Variants in CSMD1 observed in about 807,000 individuals in gnomAD.
CSMD1 encodes the protein CUB and Sushi multiple domains 1, also known as CUB and sushi domain-containing protein 1.
In CSMD1, 213 loss-of-function variants were observed where a neutral mutation model predicts 417.5. The ratio of observed to expected loss-of-function variants is 0.51; its 90% CI spans 0.46 to 0.57. CSMD1 has a LOEUF of 0.57. Among genes scored for constraint, CSMD1 ranks in the 20% least tolerant of loss-of-function variants. CSMD1 has a pLI of 0.00. For missense variants in CSMD1, 6,923 were observed against 4,529.7 expected (o/e 1.53, Z -15.17); for synonymous variants, 2,862 against 1,736.8 (o/e 1.65, Z -16.11).
chr8:4,517,375 C>T (rs955140413), intron 2 of CSMD1, among the ~76,000 whole-genome samples: 3 of 152,178 alleles, frequency 2.0e-5, no homozygotes, highest in African/African-American at 4.8e-5. Context: ...ATAGGTTAAA[C>T]AGCTAATCTC....
At chr8:3,659,931 G>C (rs1032976954) in intron 7 of CSMD1, among the ~76,000 whole-genome samples, 1 of 152,152 alleles carries the variant, frequency 6.6e-6, no homozygotes, top group East Asian at 1.9e-4. Flanking sequence ...TCTTCATTGT[G>C]TAATCTAAAA....
At chr8:4,953,230 A>C (rs914183184) in intron 1 of CSMD1, among the ~76,000 whole-genome samples, 1 of 152,188 alleles carries the variant, frequency 6.6e-6, no homozygotes, top group South Asian at 2.1e-4. Flanking sequence ...AGTTTTGCTG[A>C]AAATTTTCCA....
chr8:4,822,583 T>G (rs963941000), intron 1 of CSMD1, among the ~76,000 whole-genome samples: 1 of 152,008 alleles, frequency 6.6e-6, no homozygotes, highest in Non-Finnish European at 1.5e-5. Context: ...ATTTTTATAT[T>G]TTTAGCAATT....
chr8:3,767,195 C>G (rs1046552630), intron 5 of CSMD1, among the ~76,000 whole-genome samples: 2 of 152,226 alleles, frequency 1.3e-5, no homozygotes, highest in African/African-American at 4.8e-5. Flanking sequence ...TCGTAGAAAG[C>G]AAGTTCATTC....
intron 18 of CSMD1, among the ~76,000 whole-genome samples, chr8:3,381,579 A>G (rs911423835): frequency 6.6e-6 from 1 of 152,188 alleles, no homozygotes; most frequent in Non-Finnish European, 1.5e-5. Context: ...AATATGACAA[A>G]TATTTGCATC....
rs186526060 is a variant in CSMD1, at chr8:3,462,759, C to T, written c.1561+5953G>A. On this transcript the variant is annotated intron_variant, in intron 12 of 69. Transcript: ENST00000635120. Reference sequence around the variant, plus strand: ...CCCAGTCCATGGAAAAACTGTCTACCTTAAAACCGGTCCCTTGTGCCAAAA... The same window carrying T: ...CCCAGTCCATGGAAAAACTGTCTACTTTAAAACCGGTCCCTTGTGCCAAAA... Among the ~76,000 whole-genome samples the T allele has an allele frequency of 8.1e-4, 124 of 152,178 alleles. No individual in the cohort carries two copies. The South Asian group carries it at 0.015, about 19-fold the overall frequency.
chr8:4,542,269 G>C (rs890014848), intron 2 of CSMD1, among the ~76,000 whole-genome samples: 1 of 151,776 alleles, frequency 6.6e-6, no homozygotes, highest in African/African-American at 2.4e-5. Flanking sequence ...TGAAATATTA[G>C]GATAAACACA....
intron 7 of CSMD1, among the ~76,000 whole-genome samples, chr8:3,703,313 G>A (rs1800973288): frequency 6.6e-6 from 1 of 152,308 alleles, no homozygotes; most frequent in Non-Finnish European, 1.5e-5. Context: ...GCAAGGCTGT[G>A]TAAAGAAGCT....
chr8:4,941,228 TA>T (rs1353722001), intron 1 of CSMD1, among the ~76,000 whole-genome samples: 2 of 152,014 alleles, frequency 1.3e-5, no homozygotes, highest in African/African-American at 4.8e-5. Flanking sequence ...CAAAACATTG[TA>T]ACATTGTAAC....
chr8:4,673,219 C>G (rs1046676057), intron 1 of CSMD1, among the ~76,000 whole-genome samples: 1 of 152,068 alleles, frequency 6.6e-6, no homozygotes, highest in Non-Finnish European at 1.5e-5. Context: ...AAAATTTATG[C>G]CAAATGTTTA....
intron 1 of CSMD1, among the ~76,000 whole-genome samples, chr8:4,905,833 A>AG (rs1260621650): frequency 2.8e-5 from 4 of 142,080 alleles, no homozygotes; most frequent in Non-Finnish European, 4.5e-5. Flanking sequence ...AAAAAAAAAA[A>AG]AGAAAAAAAG....
chr8:3,666,641 T>A (rs940534345), intron 7 of CSMD1, among the ~76,000 whole-genome samples: 2 of 152,164 alleles, frequency 1.3e-5, no homozygotes, highest in Non-Finnish European at 2.9e-5. Context: ...GATAATTGAA[T>A]CATGGGGGCA....
chr8:4,311,474 G>A (rs776396509), intron 3 of CSMD1, among the ~76,000 whole-genome samples: 1 of 152,136 alleles, frequency 6.6e-6, no homozygotes, highest in South Asian at 2.1e-4. Context: ...TGTAATCCCA[G>A]CATTTCAGAA....
rs182348316 is a variant in CSMD1, at chr8:3,654,415, T to C, written c.1010-37618A>G. On this transcript the variant is annotated intron_variant, in intron 7 of 69. Coordinates refer to ENST00000635120, the MANE Select transcript of CSMD1 (RefSeq NM_033225.6). The stretch of plus-strand genomic sequence containing the variant: ...CAGAGATGTAAAGTACCCTTTGGTG[T>C]AGTCCACATGCCTGTGCACATAGGG... 2.0e-4 allele frequency among the ~76,000 whole-genome samples: 31 copies of C among 152,268 alleles called. No homozygotes were observed. In the East Asian group the frequency reaches 6.0e-3, roughly 29 times the overall value.
At chr8:4,075,440 C>G (rs779783844) in intron 3 of CSMD1, among the ~76,000 whole-genome samples, 7 of 151,916 alleles carry the variant, frequency 4.6e-5, no homozygotes, top group Admixed American at 2.0e-4. Flanking sequence ...TCTGCTAATA[C>G]TAATGTAAAT....
intron 11 of CSMD1, among the ~76,000 whole-genome samples, chr8:3,471,271 C>G (rs540575895): frequency 6.6e-6 from 1 of 152,186 alleles, no homozygotes; most frequent in East Asian, 1.9e-4. Flanking sequence ...GCCATTTATA[C>G]GTCTTCTTGA....
At chr8:3,738,626 G>A (rs548884846) in intron 6 of CSMD1, among the ~76,000 whole-genome samples, 23 of 152,220 alleles carry the variant, frequency 1.5e-4, no homozygotes, top group African/African-American at 5.3e-4. Flanking sequence ...ACCACTGAGG[G>A]GACCAAGAGA....
intron 1 of CSMD1, among the ~76,000 whole-genome samples, chr8:4,802,050 G>A (rs938564330): frequency 7.9e-5 from 12 of 152,162 alleles, no homozygotes; most frequent in African/African-American, 1.7e-4. Context: ...ATTAATGGAC[G>A]TAGCTATATA....
chr8:4,858,476 T>C lies in CSMD1; in HGVS notation c.85+135856A>G, dbSNP rs1458585323. Among the ~76,000 whole-genome samples, 3 of 151,138 alleles carry C rather than the reference T, an allele frequency of 2.0e-5. No homozygotes were observed. In the East Asian group the frequency reaches 5.9e-4, roughly 30 times the overall value. On this transcript the variant is annotated intron_variant, in intron 1 of 69. Transcript: ENST00000635120. ...ATTAGGAAAAGAGGAAGTCAAATTG[T>C]CCCTGTTTGCAGACGACATGATTGT...
Sources: allele counts gnomAD v4.1 joint callset (sites outside exome capture counted in the v4.1 genomes callset), GRCh38; gene constraint gnomAD v4.1.1; transcripts MANE v1.5; gene names NCBI Gene and HGNC (gene_info 2026-07-23, HGNC 2026-07-21).